Variants in EXOC2 observed in about 807,000 individuals in gnomAD.
The protein encoded by EXOC2 is exocyst complex component 2, also known as SEC5-like 1.
A neutral mutation model predicts 131.8 loss-of-function variants in EXOC2; 70 were observed. The ratio of observed to expected loss-of-function variants is 0.53; its 90% CI spans 0.44 to 0.65. The LOEUF (loss-of-function observed/expected upper bound fraction) is 0.65, where lower values mean the gene tolerates loss of function less well. Ranked by LOEUF, EXOC2 falls within the 30% of genes least tolerant of loss-of-function variation. EXOC2 has a pLI of 0.00. For synonymous variants in EXOC2, 411 were observed against 398.4 expected, an observed-to-expected ratio of 1.03 and a Z score of -0.38; for missense variants, 923 against 1,108.6, an observed-to-expected ratio of 0.83 and a Z score of 2.38.
chr6:692,635 A>C (rs1372333631), intron 1 of EXOC2, among the ~76,000 whole-genome samples: 1 of 152,274 alleles, frequency 6.6e-6, no homozygotes, highest in African/African-American at 2.4e-5. Flanking sequence ...CCTCGCGTTC[A>C]CTTTTCCGGA....
intron 23 of EXOC2, among the ~76,000 whole-genome samples, chr6:526,584 G>A (rs1216714668): frequency 2.0e-5 from 3 of 151,880 alleles, no homozygotes; most frequent in Non-Finnish European, 4.4e-5. Context: ...GGGATGACAG[G>A]AATGCACCAC....
At chr6:591,609 C>T (rs1466971854) in intron 11 of EXOC2, among the ~76,000 whole-genome samples, 1 of 152,034 alleles carries the variant, frequency 6.6e-6, no homozygotes, top group Non-Finnish European at 1.5e-5. Context: ...CAGAACTTCC[C>T]CAGTCATATG....
At chr6:489,286 A>G (rs1479738434) in intron 26 of EXOC2, among the ~76,000 whole-genome samples, 1 of 152,258 alleles carries the variant, frequency 6.6e-6, no homozygotes, top group African/African-American at 2.4e-5. Context: ...TTGAAAAGCT[A>G]AAGGAAAAAC....
chr6:507,135 CATACACACACA>C (rs1764589844), intron 23 of EXOC2, among the ~76,000 whole-genome samples: 1 of 88,028 alleles, frequency 1.1e-5, no homozygotes, highest in Non-Finnish European at 2.2e-5. Context: ...TACACACACA[CATACACACACA>C]CACACAAGAA....
intron 25 of EXOC2, among the ~76,000 whole-genome samples, chr6:493,756 A>G (rs972181597): frequency 1.3e-5 from 2 of 152,214 alleles, no homozygotes; most frequent in African/African-American, 2.4e-5. Flanking sequence ...GCGGGAGTTT[A>G]GACTCACGAC....
chr6:656,302 C>G lies in EXOC2; in HGVS notation c.-43-18441G>C, dbSNP rs1437578528. ...AGGTCTCTGTTTTCAGGCACACCCA[C>G]AGCCGACTGGGGAGGGTTTCCAAGA... is the stretch of plus-strand genomic sequence containing the variant. On this transcript the variant is annotated intron_variant, in intron 1 of 27. Transcript: ENST00000230449. 6.2e-7 allele frequency: 1 copy of G among 1,614,112 alleles called. No homozygotes were observed. The highest frequency in any genetic ancestry group is 8.5e-7 in the Non-Finnish European group (1 of 1,180,054).
At chr6:632,863 G>A (rs548696801) in intron 3 of EXOC2, 78 bp downstream of exon 3, 7 of 1,407,792 alleles carry the variant, frequency 5.0e-6, no homozygotes, top group Admixed American at 4.5e-5. Flanking sequence ...GGTTTTACAC[G>A]AATCTACCAG....
At chr6:589,264 G>A (rs569560596) in intron 11 of EXOC2, among the ~76,000 whole-genome samples, 4 of 152,202 alleles carry the variant, frequency 2.6e-5, no homozygotes, top group African/African-American at 4.8e-5. Flanking sequence ...AGAACTGACC[G>A]TCGAGCACCC....
At chr6:548,283 A>C (rs544422749) in intron 22 of EXOC2, among the ~76,000 whole-genome samples, 1 of 152,338 alleles carries the variant, frequency 6.6e-6, no homozygotes, top group African/African-American at 2.4e-5. Flanking sequence ...TAGTTCACGA[A>C]CTGGAACCAC....
intron 1 of EXOC2, among the ~76,000 whole-genome samples, chr6:638,443 A>G (rs1447628681): frequency 6.6e-6 from 1 of 152,204 alleles, no homozygotes; most frequent in East Asian, 1.9e-4. Flanking sequence ...AGAGGAGGGA[A>G]AAGTGTAGTT....
At position 531,614 on chromosome 6, in the gene EXOC2, A is replaced by G. The variant is rs1252170611; in HGVS notation, c.2380+855T>C. Among the ~76,000 whole-genome samples the G allele has an allele frequency of 5.9e-5, 9 of 152,400 alleles. No individual in the cohort carries two copies. In the East Asian group the frequency reaches 1.7e-3, roughly 29 times the overall value. ...TGTTTAAACAGTAAACAATTTTATCATCGTTTAGTATAAGTGCCATACAAT... is the reference window on the plus strand; with the variant it reads ...TGTTTAAACAGTAAACAATTTTATCGTCGTTTAGTATAAGTGCCATACAAT... On this transcript the variant is annotated intron_variant, in intron 23 of 27. Coordinates refer to ENST00000230449, the MANE Select transcript of EXOC2 (RefSeq NM_018303.6).
chr6:537,370 G>A (rs1016655413), intron 22 of EXOC2, among the ~76,000 whole-genome samples: 9 of 147,912 alleles, frequency 6.1e-5, no homozygotes, highest in South Asian at 2.2e-4. Flanking sequence ...GCGCACACTC[G>A]AGTTGATGGC....
intron 11 of EXOC2, among the ~76,000 whole-genome samples, chr6:590,689 C>A (rs1356534485): frequency 1.3e-5 from 2 of 152,154 alleles, no homozygotes; most frequent in African/African-American, 4.8e-5. Context: ...GCTGACCACT[C>A]CCTTCTGTTT....
At position 556,529 on chromosome 6, in the gene EXOC2, C is replaced by A. The variant is rs1177870426; in HGVS notation, c.1887G>T (p.Leu629=). 6.2e-7 allele frequency: 1 copy of A among 1,614,138 alleles called. No homozygotes were observed. The highest frequency in any genetic ancestry group is 1.3e-5 in the African/African-American group (1 of 75,026). Residue 629 remains leucine, a synonymous_variant, in exon 18 of 28, where the codon CTG becomes CTT. Coordinates refer to ENST00000230449, the MANE Select transcript of EXOC2 (RefSeq NM_018303.6). The stretch of plus-strand genomic sequence containing the variant: ...ACTCCAGAACCCCCTTCAGTGACTG[C>A]AGAGAACACACGATGCACTGTTCAA... ...CQFEQCIVCS[L]QSLKGVLECK...
intron 10 of EXOC2, among the ~76,000 whole-genome samples, chr6:593,737 T>A (rs1394045894): frequency 1.3e-5 from 2 of 152,190 alleles, no homozygotes; most frequent in Non-Finnish European, 2.9e-5. Flanking sequence ...TTTTGTTCAG[T>A]GGTAAATCAT....
intron 25 of EXOC2, among the ~76,000 whole-genome samples, chr6:492,170 C>T (rs935688402): frequency 6.6e-6 from 1 of 152,170 alleles, no homozygotes; most frequent in African/African-American, 2.4e-5. Context: ...TCCAGTGCTA[C>T]AAAGACACCA....
chr6:598,200 T>C (rs1331597433), intron 9 of EXOC2, 77 bp from the exon 10 acceptor site: 1 of 1,246,414 alleles, frequency 8.0e-7, no homozygotes, highest in Non-Finnish European at 1.1e-6. Flanking sequence ...AGAATAGTAG[T>C]TGCTTTTGTG....
intron 7 of EXOC2, among the ~76,000 whole-genome samples, chr6:609,558 G>C (rs1288406418): frequency 6.6e-6 from 1 of 152,174 alleles, no homozygotes; most frequent in Non-Finnish European, 1.5e-5. Flanking sequence ...TCAAAACTTT[G>C]CACATAGCCA....
chr6:541,371 C>A (rs1372685043), intron 22 of EXOC2, among the ~76,000 whole-genome samples: 1 of 152,094 alleles, frequency 6.6e-6, no homozygotes, highest in African/African-American at 2.4e-5. Flanking sequence ...TATTAAAAGA[C>A]AGAAAGGTTT....
Sources: gnomAD v4.1 joint callset for allele counts (sites outside exome capture counted in the v4.1 genomes callset) on GRCh38, gnomAD v4.1.1 for gene constraint, MANE v1.5 for transcripts, NCBI Gene and HGNC (gene_info 2026-07-23, HGNC 2026-07-21) for gene names.